RAPH1: variants seen among roughly 807,000 people sequenced by gnomAD.
The protein encoded by RAPH1 is ras-associated and pleckstrin homology domains-containing protein 1.
Under a neutral mutation model 88.1 loss-of-function variants are expected in RAPH1, and 18 were observed. The ratio of observed to expected loss-of-function variants is 0.20; its 90% confidence interval spans 0.14 to 0.30. The LOEUF is 0.30. RAPH1 is among the 10% of genes least tolerant of loss of function. The probability of loss-of-function intolerance (pLI) is 1.00; values close to 1 mark genes in which losing one functional copy is unlikely to be tolerated. For synonymous variants in RAPH1, 587 were observed against 559.0 expected (o/e 1.05, Z -0.71); for missense variants, 1,448 against 1,543.2 (o/e 0.94, Z 1.03).
chr2:203,530,982 T>TG, intron 1 of RAPH1, among the ~76,000 whole-genome samples: 1 of 152,196 alleles, frequency 6.6e-6, no homozygotes, highest in East Asian at 1.9e-4. Flanking sequence ...AACCATTCAA[T>TG]GGGGAAAGGA....
At chr2:203,475,259 T>C (rs1283297587) in intron 4 of RAPH1, among the ~76,000 whole-genome samples, 1 of 151,810 alleles carries the variant, frequency 6.6e-6, no homozygotes, top group Admixed American at 6.6e-5. Context: ...TACAAAAAAT[T>C]AGCTGGGCGA....
chr2:203,524,699 T>C (rs974273782), intron 1 of RAPH1, among the ~76,000 whole-genome samples: 3 of 152,120 alleles, frequency 2.0e-5, no homozygotes, highest in Non-Finnish European at 2.9e-5. Context: ...TAGTGACAGA[T>C]TGCCGTAAGA....
intron 4 of RAPH1, chr2:203,470,418 ATAAT>A: frequency 1.6e-6 from 1 of 630,696 alleles, no homozygotes; most frequent in Non-Finnish European, 2.7e-6. Context: ...ATGATTCTCT[ATAAT>A]TAATCTCATA....
At chr2:203,495,196 A>C in intron 2 of RAPH1, 38 bp downstream of exon 2, 4 of 1,611,456 alleles carry the variant, frequency 2.5e-6, no homozygotes, top group Non-Finnish European at 3.4e-6. Context: ...CACAATGGTG[A>C]CTTCAAATCC....
At chr2:203,505,308 T>A (rs1688935068) in intron 1 of RAPH1, among the ~76,000 whole-genome samples, 1 of 152,064 alleles carries the variant, frequency 6.6e-6, no homozygotes, top group Admixed American at 6.5e-5. Context: ...AAAAGGCACT[T>A]CTTACATGGC....
At chr2:203,530,662 T>C (rs906327520) in intron 1 of RAPH1, among the ~76,000 whole-genome samples, 19 of 152,116 alleles carry the variant, frequency 1.2e-4, no homozygotes, top group African/African-American at 4.6e-4. Context: ...GAAGCCGAGG[T>C]AGGTAGATCA....
chr2:203,521,664 G>T (rs933754701), intron 1 of RAPH1, among the ~76,000 whole-genome samples: 17 of 151,816 alleles, frequency 1.1e-4, no homozygotes, highest in African/African-American at 3.9e-4. Flanking sequence ...AAAAATATTC[G>T]AAATAAAAAT....
At chr2:203,526,089 G>C (rs1317799645) in intron 1 of RAPH1, among the ~76,000 whole-genome samples, 1 of 151,962 alleles carries the variant, frequency 6.6e-6, no homozygotes, top group Admixed American at 6.6e-5. Context: ...TTTTAATTAA[G>C]GGTACTTTTA....
At chr2:203,506,340 A>G (rs932511516) in intron 1 of RAPH1, among the ~76,000 whole-genome samples, 38 of 152,034 alleles carry the variant, frequency 2.5e-4, no homozygotes, top group African/African-American at 8.9e-4. Context: ...ATTAATTAGC[A>G]CACTTGGTTC....
At chr2:203,513,791 C>T (rs1485138928) in intron 1 of RAPH1, among the ~76,000 whole-genome samples, 6 of 147,648 alleles carry the variant, frequency 4.1e-5, no homozygotes, top group Non-Finnish European at 7.5e-5. Context: ...GCCGAGATCA[C>T]GCCACTGCAC....
intron 4 of RAPH1, among the ~76,000 whole-genome samples, chr2:203,480,784 A>T (rs907587226): frequency 6.6e-6 from 1 of 152,212 alleles, no homozygotes; most frequent in South Asian, 2.1e-4. Context: ...ATTTTCCACA[A>T]ATAGTATGTT....
chr2:203,441,936 T>G, intron 13 of RAPH1: 1 of 1,379,982 alleles, frequency 7.2e-7, no homozygotes, highest in Non-Finnish European at 9.4e-7. Context: ...CAGGAGAGTA[T>G]GAGAATGTTG....
At chr2:203,497,620 C>G (rs1688574927) in intron 1 of RAPH1, among the ~76,000 whole-genome samples, 1 of 152,110 alleles carries the variant, frequency 6.6e-6, no homozygotes, top group African/African-American at 2.4e-5. Context: ...AGAACCACAG[C>G]TAACCAATAT....
At chr2:203,509,133 C>T (rs978861716) in intron 1 of RAPH1, among the ~76,000 whole-genome samples, 9 of 144,034 alleles carry the variant, frequency 6.2e-5, no homozygotes, top group South Asian at 2.2e-4. Flanking sequence ...TGTGGTGACA[C>T]GATCTTGGCT....
chr2:203,477,654 A>C (rs1483893653), intron 4 of RAPH1, among the ~76,000 whole-genome samples: 1 of 152,136 alleles, frequency 6.6e-6, no homozygotes, highest in Non-Finnish European at 1.5e-5. Flanking sequence ...TGTACCTTGT[A>C]ATTATACCCA....
Position 203,437,463 on chromosome 2 carries a change from CATT to C in RAPH1, c.*1971_*1973del, listed in dbSNP as rs1427842708. 2.0e-5 allele frequency: 3 copies of C among 152,202 alleles called. No individual in the cohort carries two copies. The highest frequency in any genetic ancestry group is 4.8e-5 in the African/African-American group (2 of 41,444). The allele number at this position is 152,202 out of a possible 1,614,324, so 9.4% of individuals were successfully genotyped here. On this transcript the variant is annotated 3_prime_UTR_variant, in exon 14 of 14. Transcript: ENST00000319170. ...AGTAGCGCTTGGCAATCTACTCAAA[CATT>C]ACCCAAATTTCTGTGCATGCTTAAA...
chr2:203,451,956 A>G (rs1162520539), intron 10 of RAPH1, among the ~76,000 whole-genome samples: 1 of 152,246 alleles, frequency 6.6e-6, no homozygotes, highest in Non-Finnish European at 1.5e-5. Context: ...AGACAAATAC[A>G]GGGAGCAATA....
chr2:203,481,775 T>C (rs1354796317), intron 4 of RAPH1, among the ~76,000 whole-genome samples: 1 of 148,558 alleles, frequency 6.7e-6, no homozygotes, highest in Non-Finnish European at 1.5e-5. Context: ...TTTTTTTTTG[T>C]ATTTTTAGTA....
At chr2:203,463,210 A>AG (rs1438766834) in intron 4 of RAPH1, among the ~76,000 whole-genome samples, 3 of 151,890 alleles carry the variant, frequency 2.0e-5, no homozygotes, top group African/African-American at 7.3e-5. Flanking sequence ...TCAAAAAAAA[A>AG]AAAAGAAAAG....
Sources: allele counts gnomAD v4.1 joint callset (sites outside exome capture counted in the v4.1 genomes callset), GRCh38; gene constraint gnomAD v4.1.1; transcripts MANE v1.5; gene names NCBI Gene and HGNC (gene_info 2026-07-23, HGNC 2026-07-21).